Variants in FHOD3 observed in about 807,000 individuals in gnomAD.
FHOD3 encodes FH1/FH2 domain-containing protein 3.
Under a neutral mutation model 173.0 loss-of-function variants are expected in FHOD3, and 90 were observed. The ratio of observed to expected loss-of-function variants is 0.52; its 90% CI spans 0.44 to 0.62. FHOD3 has a LOEUF of 0.62. Ranked by LOEUF, FHOD3 falls within the 20% of genes least tolerant of loss-of-function variation. FHOD3 has a pLI of 0.00. For synonymous variants in FHOD3, 828 were observed against 823.0 expected, an observed-to-expected ratio of 1.01 and a Z score of -0.10; for missense variants, 1,945 against 2,034.7, an observed-to-expected ratio of 0.96 and a Z score of 0.85.
In FHOD3 at chr18:36,625,890, C is replaced by T. The variant is rs1187765042; in HGVS notation, c.1196+141C>T. 3 of 677,244 alleles carry T rather than the reference C, an allele frequency of 4.4e-6. No homozygotes were observed. In the East Asian group the frequency reaches 9.3e-5, roughly 21 times the overall value. 42.0% of individuals were successfully genotyped at this position (677,244 alleles called of 1,614,324 possible). ...TCCCTACCTCTTCTTGACCATTAAA[C>T]CACCAGCCAAACATCTCGGTGGATT... On this transcript the variant is annotated intron_variant, in intron 10 of 28. Transcript: ENST00000590592.
At chr18:36,653,561 G>A (rs575423157) in intron 13 of FHOD3, 145 bp downstream of exon 13, 67 of 650,884 alleles carry the variant, frequency 1.0e-4, no homozygotes, top group African/African-American at 7.1e-4. Context: ...TATTAATTAC[G>A]TATTTTACTA....
intron 2 of FHOD3, 49 bp from the exon 3 acceptor site, chr18:36,372,631 G>A: frequency 6.5e-7 from 1 of 1,539,006 alleles, no homozygotes. Flanking sequence ...CATGTGAGGT[G>A]TCTCTGCTGA....
chr18:36,732,948 G>T (rs1301878216), intron 20 of FHOD3, among the ~76,000 whole-genome samples: 1 of 152,196 alleles, frequency 6.6e-6, no homozygotes, highest in Non-Finnish European at 1.5e-5. Flanking sequence ...TGAATCTGCA[G>T]CATCTGCCCC....
At chr18:36,634,871 T>G (rs1371529466) in intron 10 of FHOD3, among the ~76,000 whole-genome samples, 1 of 152,210 alleles carries the variant, frequency 6.6e-6, no homozygotes, top group African/African-American at 2.4e-5. Flanking sequence ...GGAGAAAATA[T>G]TTTGTGCACC....
intron 3 of FHOD3, among the ~76,000 whole-genome samples, chr18:36,435,341 G>A (rs1360778297): frequency 2.0e-5 from 3 of 152,028 alleles, no homozygotes; most frequent in African/African-American, 7.2e-5. Flanking sequence ...CCATCTGTAT[G>A]TAAATAGTAT....
rs182256207 is a variant in FHOD3, at chr18:36,389,218, C to T, written c.337+16474C>T. Among the ~76,000 whole-genome samples, 395 of 152,288 alleles carry T rather than the reference C, an allele frequency of 2.6e-3. 3 individuals carry two copies. Among genetic ancestry groups the T allele is most frequent in the Non-Finnish European group, 3.9e-3 (262 of 68,016 alleles). ...AAGAAGAGGAAGAAGAAGAGGAAGT[C>T]AGAGTAGGGCAGGCAGCCTGCAAGT... On this transcript the variant is annotated intron_variant, in intron 3 of 28. Coordinates refer to ENST00000590592, the MANE Select transcript of FHOD3 (RefSeq NM_001281740.3).
At chr18:36,751,234 C>T (rs1208512934) in intron 24 of FHOD3, among the ~76,000 whole-genome samples, 7 of 152,228 alleles carry the variant, frequency 4.6e-5, no homozygotes, top group Middle Eastern at 3.4e-3. Context: ...TTATTCTTTT[C>T]GTGGCAACTG....
intron 5 of FHOD3, among the ~76,000 whole-genome samples, chr18:36,575,721 C>G (rs970546734): frequency 6.6e-6 from 1 of 152,148 alleles, no homozygotes; most frequent in Non-Finnish European, 1.5e-5. Context: ...CATTATCTAT[C>G]AGTCAGATTA....
intron 4 of FHOD3, 115 bp downstream of exon 4, chr18:36,502,114 T>C: frequency 3.4e-6 from 2 of 581,568 alleles, no homozygotes; most frequent in Non-Finnish European, 5.9e-6. Context: ...GATTACAATA[T>C]TTATATTTAG....
At chr18:36,762,991 GCGT>G (rs2042954691) in intron 27 of FHOD3, among the ~76,000 whole-genome samples, 1 of 146,480 alleles carries the variant, frequency 6.8e-6, no homozygotes, top group African/African-American at 2.5e-5. Context: ...CGTTATATAT[GCGT>G]ATTATATACG....
Position 36,605,625 on chromosome 18 carries a change from G to A in FHOD3, c.813+2857G>A, listed in dbSNP as rs535464500. On this transcript the variant is annotated intron_variant, in intron 8 of 28. Transcript: ENST00000590592. ...TCCTGCTTCTCAAGGTCATCACCAA[G>A]GTATAATTTTTCACACACAAAAAAA... 6.0e-5 allele frequency among the ~76,000 whole-genome samples: 9 copies of A among 150,190 alleles called. No homozygotes were observed. The South Asian group carries it at 1.7e-3, about 28-fold the overall frequency.
chr18:36,437,665 C>CTTTTTTT (rs1555704498), intron 3 of FHOD3, among the ~76,000 whole-genome samples: 1,404 of 69,410 alleles, frequency 0.02, 44 homozygotes, highest in African/African-American at 0.059. Context: ...TTCTTTCTTT[C>CTTTTTTT]TTTTTTTTTT....
intron 17 of FHOD3, among the ~76,000 whole-genome samples, chr18:36,708,563 C>T (rs545780562): frequency 2.0e-5 from 3 of 152,310 alleles, no homozygotes; most frequent in African/African-American, 7.2e-5. Flanking sequence ...TGCCACAAGG[C>T]TGGAATTAAG....
At chr18:36,527,182 G>A (rs568427410) in intron 5 of FHOD3, among the ~76,000 whole-genome samples, 2 of 152,284 alleles carry the variant, frequency 1.3e-5, no homozygotes, top group South Asian at 4.2e-4. Flanking sequence ...TACCTTCTCT[G>A]GAGCTGTGCC....
At chr18:36,590,918 C>A (rs781642724) in intron 6 of FHOD3, among the ~76,000 whole-genome samples, 13 of 152,086 alleles carry the variant, frequency 8.5e-5, no homozygotes, top group Non-Finnish European at 1.9e-4. Context: ...TCAGAGGGAG[C>A]CTCTGTGAGG....
At chr18:36,552,320 T>C (rs1444562581) in intron 5 of FHOD3, among the ~76,000 whole-genome samples, 1 of 152,146 alleles carries the variant, frequency 6.6e-6, no homozygotes, top group Non-Finnish European at 1.5e-5. Context: ...TGCATAGGAA[T>C]GCTTGTGATT....
At chr18:36,620,260 T>C (rs765047122) in intron 9 of FHOD3, among the ~76,000 whole-genome samples, 1 of 152,192 alleles carries the variant, frequency 6.6e-6, no homozygotes, top group Non-Finnish European at 1.5e-5. Flanking sequence ...TTTTTGAACA[T>C]GAAAGGCAGG....
intron 10 of FHOD3, 126 bp from the exon 11 acceptor site, chr18:36,649,190 T>TAA: frequency 1.6e-6 from 1 of 632,324 alleles, no homozygotes; most frequent in Non-Finnish European, 2.6e-6. Flanking sequence ...TTTTTTTTTT[T>TAA]TAATTATTAT....
chr18:36,668,505 T>C (rs1246793923), intron 14 of FHOD3, among the ~76,000 whole-genome samples: 4 of 152,004 alleles, frequency 2.6e-5, no homozygotes, highest in African/African-American at 7.2e-5. Context: ...TGTTTTTCTG[T>C]TTGTTTTATT....
Sources: gnomAD v4.1 joint callset for allele counts (sites outside exome capture counted in the v4.1 genomes callset) on GRCh38, gnomAD v4.1.1 for gene constraint, MANE v1.5 for transcripts, NCBI Gene and HGNC (gene_info 2026-07-23, HGNC 2026-07-21) for gene names.